DCDC1: variants seen among roughly 807,000 people sequenced by gnomAD.
The protein encoded by DCDC1 is doublecortin domain containing 1.
DCDC1 carries 200 observed loss-of-function variants against 178.3 expected under a neutral mutation model. The observed-to-expected ratio is 1.12, with a 90% CI of 1.00 to 1.26. The LOEUF (loss-of-function observed/expected upper bound fraction) is 1.26. DCDC1 is among the 50% of genes most tolerant of loss of function. The pLI, the probability that DCDC1 is intolerant of heterozygous loss-of-function variation, is 0.00. For missense variants in DCDC1, 1,983 were observed against 1,749.2 expected, an observed-to-expected ratio of 1.13 and a Z score of -2.38; for synonymous variants, 690 against 604.8, an observed-to-expected ratio of 1.14 and a Z score of -2.07.
intron 20 of DCDC1, among the ~76,000 whole-genome samples, chr11:31,029,730 G>A (rs1001988260): frequency 1.3e-5 from 2 of 151,990 alleles, no homozygotes; most frequent in African/African-American, 4.8e-5. Context: ...ACAATAAAAT[G>A]CATTTTGAGC....
At chr11:30,962,529 T>A (rs953920791) in intron 20 of DCDC1, among the ~76,000 whole-genome samples, 1 of 152,092 alleles carries the variant, frequency 6.6e-6, no homozygotes, top group African/African-American at 2.4e-5. Flanking sequence ...AATGTTATAT[T>A]ATATCCCTCT....
At position 31,295,665 on chromosome 11, in the gene DCDC1, A is replaced by C. The variant is rs558954696; in HGVS notation, c.755-4813T>G. On this transcript the variant is annotated intron_variant, in intron 6 of 38. Transcript: ENST00000684477. ...CTGGGGGTAGATTTCCAGTGAACAC[A>C]TGTCTTGGCCATGCTTCTTCCTTTG... 3.4e-4 allele frequency among the ~76,000 whole-genome samples: 51 copies of C among 152,220 alleles called. 1 individual carries two copies. The South Asian group carries it at 8.1e-3, about 24-fold the overall frequency.
intron 9 of DCDC1, among the ~76,000 whole-genome samples, chr11:31,175,856 C>T (rs549491024): frequency 4.1e-4 from 62 of 152,208 alleles, no homozygotes; most frequent in Non-Finnish European, 6.9e-4. Context: ...TACTCAGAAC[C>T]GAAGTTAATG....
At chr11:30,991,694 T>A (rs1182053730) in intron 20 of DCDC1, among the ~76,000 whole-genome samples, 1 of 152,150 alleles carries the variant, frequency 6.6e-6, no homozygotes, top group Non-Finnish European at 1.5e-5. Context: ...AAAATATATA[T>A]ACTTCTGGAA....
At chr11:31,237,039 C>T (rs1011176046) in intron 9 of DCDC1, among the ~76,000 whole-genome samples, 1 of 151,704 alleles carries the variant, frequency 6.6e-6, no homozygotes, top group African/African-American at 2.4e-5. Flanking sequence ...TACTAAGATT[C>T]CTTTTAAAAT....
rs532129253 is a variant in DCDC1 at position 31,293,254 on chromosome 11, G to C, written c.755-2402C>G. On this transcript the variant is annotated intron_variant, in intron 6 of 38. Transcript: ENST00000684477. ...CAATCAGGAATACAGAATCTACTCA[G>C]AGTATTTGAGCAGAGGAAACTGACT... Among the ~76,000 whole-genome samples the C allele has an allele frequency of 3.9e-5, 6 of 152,226 alleles. No homozygotes were observed. In the South Asian group the frequency reaches 1.2e-3, roughly 32 times the overall value.
At position 30,881,205 on chromosome 11, in the gene DCDC1, T is replaced by C. The variant is rs1942631413; in HGVS notation, c.5186A>G (p.Asp1729Gly). Residue 1729 changes from aspartate to glycine, a missense_variant, in exon 37 of 39, where the codon GAT becomes GGT. Coordinates refer to ENST00000684477, the MANE Select transcript of DCDC1 (RefSeq NM_001387274.1). ...PIQSWDDIER[D>G]MVICVSMGHG... is the part of the protein sequence containing the mutation. ...TCCCATAGACACACAGATGACCATATCTCGCTCTATGTCGTCCCAGGACTG... is the reference window on the plus strand; with the variant it reads ...TCCCATAGACACACAGATGACCATACCTCGCTCTATGTCGTCCCAGGACTG... 1 of 1,613,396 alleles carries C rather than the reference T, an allele frequency of 6.2e-7. No individual in the cohort carries two copies. Among genetic ancestry groups the C allele is most frequent in the Non-Finnish European group, 8.5e-7 (1 of 1,179,614 alleles).
chr11:31,298,598 T>G (rs561842028), intron 6 of DCDC1, among the ~76,000 whole-genome samples: 2 of 152,332 alleles, frequency 1.3e-5, no homozygotes, highest in South Asian at 4.1e-4. Flanking sequence ...TTTTATTTGA[T>G]AGAATCCATG....
chr11:31,121,584 G>A lies in DCDC1; in HGVS notation c.1485+5885C>T, dbSNP rs927697122. ...TGTTGTTCACTGATCAATGCAAGAC[G>A]TGATAAGGATGAAAAGCTCAGTGAA... On this transcript the variant is annotated intron_variant, in intron 11 of 38. Coordinates refer to ENST00000684477, the MANE Select transcript of DCDC1 (RefSeq NM_001387274.1). 8.6e-5 allele frequency among the ~76,000 whole-genome samples: 13 copies of A among 151,180 alleles called. No individual in the cohort carries two copies. In the East Asian group the frequency reaches 9.7e-4, roughly 11 times the overall value.
At chr11:31,091,632 T>C in intron 16 of DCDC1, 121 bp from the exon 17 acceptor site, 1 of 614,806 alleles carries the variant, frequency 1.6e-6, no homozygotes, top group Non-Finnish European at 2.9e-6. Context: ...TAACAGTTGC[T>C]GAAAGTGAAA....
chr11:31,103,089 A>G (rs936766624), intron 14 of DCDC1, among the ~76,000 whole-genome samples: 4 of 152,196 alleles, frequency 2.6e-5, no homozygotes, highest in African/African-American at 7.2e-5. Context: ...TGCCTGGCCT[A>G]TGGTCAACAC....
intron 29 of DCDC1, 45 bp from the exon 30 acceptor site, chr11:30,906,770 T>C: frequency 6.5e-7 from 1 of 1,533,294 alleles, no homozygotes; most frequent in Non-Finnish European, 8.8e-7. Flanking sequence ...GCATCTAAAT[T>C]GTTATAGCAT....
At chr11:30,921,274 A>G (rs1433151482) in intron 24 of DCDC1, among the ~76,000 whole-genome samples, 1 of 152,186 alleles carries the variant, frequency 6.6e-6, no homozygotes, top group Non-Finnish European at 1.5e-5. Flanking sequence ...CCAGTCCCAG[A>G]GAAAGCCTTG....
intron 20 of DCDC1, among the ~76,000 whole-genome samples, chr11:31,033,330 A>T (rs1953795420): frequency 6.6e-6 from 1 of 152,118 alleles, no homozygotes; most frequent in Non-Finnish European, 1.5e-5. Context: ...TTATTTATAT[A>T]CTCTGTTTTA....
At chr11:30,995,854 T>G (rs1044017978) in intron 20 of DCDC1, among the ~76,000 whole-genome samples, 3 of 152,096 alleles carry the variant, frequency 2.0e-5, no homozygotes, top group African/African-American at 7.2e-5. Context: ...AGTTTGGCCA[T>G]GAGATTTTAG....
At chr11:31,368,256 T>C (rs1952066455) in intron 1 of DCDC1, among the ~76,000 whole-genome samples, 1 of 152,106 alleles carries the variant, frequency 6.6e-6, no homozygotes, top group Admixed American at 6.5e-5. Context: ...ATAAATAAGG[T>C]AACACAATAA....
intron 20 of DCDC1, among the ~76,000 whole-genome samples, chr11:30,962,945 C>A (rs537063101): frequency 2.6e-4 from 40 of 152,184 alleles, no homozygotes; most frequent in African/African-American, 9.6e-4. Flanking sequence ...AAAAAACCAT[C>A]CCTTCTTCAA....
At chr11:30,956,960 A>T (rs1252744569) in intron 20 of DCDC1, among the ~76,000 whole-genome samples, 1 of 152,124 alleles carries the variant, frequency 6.6e-6, no homozygotes. Flanking sequence ...TGTCTGCTGG[A>T]GCCCTTCTTA....
At chr11:31,285,931 A>C (rs1183551340) in intron 7 of DCDC1, among the ~76,000 whole-genome samples, 1 of 152,084 alleles carries the variant, frequency 6.6e-6, no homozygotes, top group Non-Finnish European at 1.5e-5. Flanking sequence ...ACTCATTCTA[A>C]TCTAACAACT....
Sources: allele counts gnomAD v4.1 joint callset (sites outside exome capture counted in the v4.1 genomes callset), GRCh38; gene constraint gnomAD v4.1.1; transcripts MANE v1.5; gene names NCBI Gene and HGNC (gene_info 2026-07-23, HGNC 2026-07-21).